Variants in CEP112 observed in about 807,000 individuals in gnomAD.
CEP112 encodes the protein centrosomal protein 112.
A neutral mutation model predicts 153.0 loss-of-function variants in CEP112; 127 were observed. The observed-to-expected ratio is 0.83, with a 90% CI of 0.72 to 0.96. CEP112 has a LOEUF of 0.96. CEP112 is among the 40% of genes least tolerant of loss of function. The probability of loss-of-function intolerance (pLI) is 0.00; values close to 1 mark genes in which losing one functional copy is unlikely to be tolerated. For synonymous variants in CEP112, 358 were observed against 374.4 expected, an observed-to-expected ratio of 0.96 and a Z score of 0.51; for missense variants, 1,089 against 1,101.2, an observed-to-expected ratio of 0.99 and a Z score of 0.16.
rs149780079 is a variant in CEP112, at chr17:65,646,683, G to T, written c.2698-5618C>A. Among the ~76,000 whole-genome samples the T allele has an allele frequency of 5.4e-3, 823 of 152,290 alleles. 5 individuals carry two copies. Among genetic ancestry groups the T allele is most frequent in the Non-Finnish European group, 8.0e-3 (544 of 68,020 alleles). On this transcript the variant is annotated intron_variant, in intron 24 of 26. Transcript: ENST00000535342. ...ATATGATTGTCCACTTTGCTCTACAGTTTCTCAAATAATCCTTCTAAATGC... is the reference window on the plus strand; with the variant it reads ...ATATGATTGTCCACTTTGCTCTACATTTTCTCAAATAATCCTTCTAAATGC...
At chr17:65,765,489 T>C (rs982391890) in intron 21 of CEP112, among the ~76,000 whole-genome samples, 2 of 152,038 alleles carry the variant, frequency 1.3e-5, no homozygotes, top group African/African-American at 4.8e-5. Flanking sequence ...TTTTCTACAA[T>C]ATTCATGACG....
intron 21 of CEP112, among the ~76,000 whole-genome samples, chr17:65,774,884 G>C (rs1376054994): frequency 2.0e-5 from 3 of 152,278 alleles, no homozygotes; most frequent in East Asian, 3.9e-4. Context: ...CAGCAGGAAG[G>C]GTTCAGCGAG....
intron 19 of CEP112, among the ~76,000 whole-genome samples, chr17:65,916,287 G>GTGTGTGTGTGTGTGTATGTGTGTA (rs138734881): frequency 6.8e-6 from 1 of 147,494 alleles, no homozygotes; most frequent in Non-Finnish European, 1.5e-5. Flanking sequence ...GTGTGTGTGT[G>GTGTGTGTGTGTGTGTATGTGTGTA]TGTGTATGTG....
chr17:65,697,533 A>G (rs745443920), intron 23 of CEP112, among the ~76,000 whole-genome samples: 1 of 152,112 alleles, frequency 6.6e-6, no homozygotes, highest in Non-Finnish European at 1.5e-5. Flanking sequence ...AGATTTACAG[A>G]CTTATTTTTT....
intron 8 of CEP112, among the ~76,000 whole-genome samples, chr17:66,073,179 A>G (rs2067363711): frequency 6.6e-6 from 1 of 152,146 alleles, no homozygotes; most frequent in Non-Finnish European, 1.5e-5. Context: ...CTAACCTCCC[A>G]CTGTTAACCA....
rs147806272 is a variant in CEP112, at chr17:65,705,130, C to T, written c.2608-15912G>A. On this transcript the variant is annotated intron_variant, in intron 23 of 26. Transcript: ENST00000535342. ...ACTTTTCATGCTGAATGCACAAAAC[C>T]GTTGATTTCTGAAATCACTTCTATA... Among the ~76,000 whole-genome samples, 263 of 152,238 alleles carry T rather than the reference C, an allele frequency of 1.7e-3. 1 individual carries two copies. Among genetic ancestry groups the T allele is most frequent in the Admixed American group, 3.1e-3 (48 of 15,280 alleles).
intron 19 of CEP112, among the ~76,000 whole-genome samples, chr17:65,927,374 A>T (rs1195746753): frequency 6.6e-6 from 1 of 152,230 alleles, no homozygotes; most frequent in Non-Finnish European, 1.5e-5. Flanking sequence ...AAACATTCAG[A>T]TAAAACAAAC....
At chr17:65,700,069 C>A (rs1011671491) in intron 23 of CEP112, among the ~76,000 whole-genome samples, 3 of 151,974 alleles carry the variant, frequency 2.0e-5, no homozygotes, top group Admixed American at 2.0e-4. Context: ...TCCTCCTCCT[C>A]CTTCCCACAT....
At chr17:65,698,572 A>G (rs969439480) in intron 23 of CEP112, among the ~76,000 whole-genome samples, 5 of 152,132 alleles carry the variant, frequency 3.3e-5, no homozygotes, top group African/African-American at 4.8e-5. Flanking sequence ...CACCTCATTC[A>G]TGTTTTCCTA....
chr17:65,992,754 A>G (rs1281351330), intron 17 of CEP112, among the ~76,000 whole-genome samples: 1 of 152,190 alleles, frequency 6.6e-6, no homozygotes, highest in Non-Finnish European at 1.5e-5. Context: ...TGATCAAGTC[A>G]CAATTCCTCA....
intron 4 of CEP112, among the ~76,000 whole-genome samples, chr17:66,170,141 C>T (rs760685087): frequency 6.6e-6 from 1 of 152,126 alleles, no homozygotes; most frequent in Non-Finnish European, 1.5e-5. Context: ...GGAATAATAT[C>T]CCATTACCAT....
At chr17:65,938,776 C>G (rs1186383885) in intron 18 of CEP112, among the ~76,000 whole-genome samples, 3 of 152,110 alleles carry the variant, frequency 2.0e-5, no homozygotes, top group Non-Finnish European at 4.4e-5. Context: ...ATTCAAAAAT[C>G]ATCTGTGTTT....
intron 25 of CEP112, among the ~76,000 whole-genome samples, chr17:65,638,461 C>T (rs1228825131): frequency 6.6e-6 from 1 of 152,172 alleles, no homozygotes; most frequent in Non-Finnish European, 1.5e-5. Context: ...GTACAGCTGG[C>T]AGAACAGAAA....
intron 23 of CEP112, among the ~76,000 whole-genome samples, chr17:65,705,141 G>C (rs1343881040): frequency 6.6e-6 from 1 of 152,186 alleles, no homozygotes; most frequent in Non-Finnish European, 1.5e-5. Context: ...GTTGATTTCT[G>C]AAATCACTTC....
chr17:65,972,608 A>T (rs1435802429), intron 17 of CEP112, among the ~76,000 whole-genome samples: 2 of 152,218 alleles, frequency 1.3e-5, no homozygotes, highest in African/African-American at 4.8e-5. Flanking sequence ...CTTTGAGAAG[A>T]TCAATAAAAT....
intron 24 of CEP112, among the ~76,000 whole-genome samples, chr17:65,683,331 T>A (rs1205443644): frequency 6.6e-6 from 1 of 152,204 alleles, no homozygotes; most frequent in Non-Finnish European, 1.5e-5. Context: ...TTTAAAATAA[T>A]TTATGAGTCA....
At chr17:65,660,923 T>G (rs2046359484) in intron 24 of CEP112, among the ~76,000 whole-genome samples, 1 of 152,164 alleles carries the variant, frequency 6.6e-6, no homozygotes, top group African/African-American at 2.4e-5. Context: ...TTCTCCACAC[T>G]GTTGCATGTT....
At chr17:65,778,606 A>AGAAGGCT (rs138224272) in intron 21 of CEP112, among the ~76,000 whole-genome samples, 2,835 of 152,294 alleles carry the variant, frequency 0.019, 95 homozygotes, top group African/African-American at 0.064. Flanking sequence ...AATTAAAAAA[A>AGAAGGCT]GAAGGCTGTA....
chr17:66,118,024 G>C (rs1041933148), intron 6 of CEP112, among the ~76,000 whole-genome samples: 2 of 152,170 alleles, frequency 1.3e-5, no homozygotes, highest in Non-Finnish European at 2.9e-5. Context: ...ATGCTGACGA[G>C]GATGTGGAGA....
Sources: gnomAD v4.1 joint callset for allele counts (sites outside exome capture counted in the v4.1 genomes callset) on GRCh38, gnomAD v4.1.1 for gene constraint, MANE v1.5 for transcripts, NCBI Gene and HGNC (gene_info 2026-07-23, HGNC 2026-07-21) for gene names.